CAPN1: variants seen among roughly 807,000 people sequenced by gnomAD.
CAPN1 encodes calpain-1 catalytic subunit.
A neutral mutation model predicts 105.2 loss-of-function variants in CAPN1; 77 were observed. The observed-to-expected ratio is 0.73, with a 90% CI of 0.61 to 0.88. CAPN1 has a LOEUF of 0.88. Ranked by LOEUF, CAPN1 falls within the 40% of genes least tolerant of loss-of-function variation. CAPN1 has a pLI of 0.00. For synonymous variants in CAPN1, 355 were observed against 388.8 expected (o/e 0.91, Z 1.02); for missense variants, 833 against 976.6 (o/e 0.85, Z 1.96).
chr11:65,183,223 G>C lies in CAPN1; in HGVS notation c.337+26G>C, dbSNP rs539895915. 1.9e-5 allele frequency: 30 copies of C among 1,609,446 alleles called. No individual in the cohort carries two copies. The Middle Eastern group carries it at 6.6e-4, about 35-fold the overall frequency. ...GTAGGCCCCCAGGGCGTCGGGTCCC[G>C]GGTATTTTTTCCACAGTAGTTCCCC... On this transcript the variant is annotated intron_variant, in intron 3 of 21. Transcript: ENST00000279247.
chr11:65,207,052 C>T (rs1254355469), intron 14 of CAPN1, among the ~76,000 whole-genome samples: 6 of 152,172 alleles, frequency 3.9e-5, no homozygotes, highest in African/African-American at 1.4e-4. Context: ...CGGGTTTGTG[C>T]TGAGCACTTC....
chr11:65,205,620 C>A, intron 11 of CAPN1, 90 bp from the exon 12 acceptor site: 1 of 1,316,034 alleles, frequency 7.6e-7, no homozygotes, highest in Non-Finnish European at 1.1e-6. Context: ...TCAGTCCCGT[C>A]TAAGAACTCA....
chr11:65,209,664 C>A lies in CAPN1; in HGVS notation c.1795-185C>A. ...TCTGACCCCTCCCCAGCCCACTCCA[C>A]TGCAGCCCAGCTCAGAGAATAAGGC... On this transcript the variant is annotated intron_variant, in intron 17 of 21. Transcript: ENST00000279247. The surrounding 1 kb of genome is among the most constrained non-coding windows in gnomAD (Gnocchi z 4.1). 1.5e-6 allele frequency: 1 copy of A among 669,644 alleles called. No individual in the cohort carries two copies. Among genetic ancestry groups the A allele is most frequent in the Non-Finnish European group, 2.6e-6 (1 of 382,644 alleles). The allele number at this position is 669,644 out of a possible 1,614,324, so 41.5% of individuals were successfully genotyped here. A position where few individuals can be genotyped will look rare whatever the true frequency, so the allele number is the denominator to read the frequency against.
At chr11:65,205,601 C>T (rs1289414035) in intron 11 of CAPN1, 109 bp from the exon 12 acceptor site, 6 of 1,105,634 alleles carry the variant, frequency 5.4e-6, no homozygotes, top group South Asian at 1.3e-5. Flanking sequence ...CTTCTGCCTC[C>T]TTATCCCATC....
At chr11:65,201,549 G>A (rs1024904107) in intron 10 of CAPN1, among the ~76,000 whole-genome samples, 4 of 151,860 alleles carry the variant, frequency 2.6e-5, no homozygotes, top group Non-Finnish European at 4.4e-5. Context: ...ACGGAGTCTC[G>A]CTCTGTCGCC....
intron 11 of CAPN1, among the ~76,000 whole-genome samples, 195 bp from the exon 12 acceptor site, chr11:65,205,515 G>A (rs1311923132): frequency 6.6e-6 from 1 of 152,058 alleles, no homozygotes; most frequent in Non-Finnish European, 1.5e-5. Flanking sequence ...CCAGGACCAA[G>A]AGGACCCTGC....
chr11:65,206,481 G>T lies in CAPN1; in HGVS notation c.1372G>T (p.Val458Leu), dbSNP rs564548073. ...VPPELVGQPAVHLKRDFFLAN... is the reference protein window; with the variant it reads ...VPPELVGQPALHLKRDFFLAN... ...CCACCAGCTGGTGGGCCAGCCGGCC[G>T]TACACTTGAAGCGTGACTTCTTCCT... The change falls in exon 13 of 22, where the codon GTA becomes TTA. Residue 458 changes from valine to leucine, a missense_variant. Transcript: ENST00000279247. 3 of 1,613,092 alleles carry T rather than the reference G, an allele frequency of 1.9e-6. No individual in the cohort carries two copies. The highest frequency in any genetic ancestry group is 2.5e-6 in the Non-Finnish European group (3 of 1,179,826).
chr11:65,182,503 G>A, intron 1 of CAPN1, 198 bp from the exon 2 acceptor site: 1 of 581,752 alleles, frequency 1.7e-6, no homozygotes, highest in Non-Finnish European at 2.9e-6. Context: ...CCTGGGAACT[G>A]GGAAATCCCT....
At chr11:65,195,100 G>GGTTTTTTTTT (rs1565403828) in intron 10 of CAPN1, among the ~76,000 whole-genome samples, 2 of 90,906 alleles carry the variant, frequency 2.2e-5, no homozygotes, top group African/African-American at 3.4e-5. Context: ...GTTTTTTGGG[G>GGTTTTTTTTT]TTTTTTTTTT....
At chr11:65,199,274 G>C (rs903227057) in intron 10 of CAPN1, among the ~76,000 whole-genome samples, 6 of 152,042 alleles carry the variant, frequency 3.9e-5, no homozygotes, top group African/African-American at 1.4e-4. Flanking sequence ...ATTATTTTCA[G>C]CCTCTCAAAG....
At chr11:65,199,479 A>G (rs188553087) in intron 10 of CAPN1, among the ~76,000 whole-genome samples, 5 of 152,242 alleles carry the variant, frequency 3.3e-5, no homozygotes, top group Non-Finnish European at 7.4e-5. Flanking sequence ...ACCTTTCAAC[A>G]ATTCTAGAAA....
At chr11:65,202,551 T>C (rs1299288526) in intron 10 of CAPN1, among the ~76,000 whole-genome samples, 1 of 152,024 alleles carries the variant, frequency 6.6e-6, no homozygotes, top group African/African-American at 2.4e-5. Context: ...CACGCAATTC[T>C]CCTACCTCAG....
At position 65,186,205 on chromosome 11, in the gene CAPN1, G is replaced by C. The variant is rs376996656; in HGVS notation, c.626G>C (p.Ser209Thr). 6.2e-7 allele frequency: 1 copy of C among 1,613,684 alleles called. No homozygotes were observed. Among genetic ancestry groups the C allele is most frequent in the South Asian group, 1.1e-5 (1 of 91,066 alleles). Reference sequence around the variant, plus strand: ...AGCTACGAGGCCCTGTCAGGGGGCAGCACCTCAGAGGGCTTTGAGGACTTC... The same window carrying C: ...AGCTACGAGGCCCTGTCAGGGGGCACCACCTCAGAGGGCTTTGAGGACTTC... ...NGSYEALSGG[S>T]TSEGFEDFTG... Residue 209 changes from serine (S) to threonine (T), a missense_variant, in exon 6 of 22, where the codon AGC becomes ACC. Ser to Thr is a moderately conservative substitution (Grantham distance 58). Transcript: ENST00000279247.
chr11:65,200,648 G>T (rs1208262124), intron 10 of CAPN1, among the ~76,000 whole-genome samples: 1 of 152,036 alleles, frequency 6.6e-6, no homozygotes, highest in Non-Finnish European at 1.5e-5. Context: ...CGGCCGCCTT[G>T]TTCTTTTTTT....
At position 65,199,292 on chromosome 11, in the gene CAPN1, TA is replaced by T. The variant is rs146845419; in HGVS notation, c.1166-5390del. Among the ~76,000 whole-genome samples the T allele has an allele frequency of 3.0e-3, 463 of 152,330 alleles. 3 individuals carry two copies. The highest frequency in any genetic ancestry group is 0.011 in the African/African-American group (447 of 41,580). On this transcript the variant is annotated intron_variant, in intron 10 of 21. Transcript: ENST00000279247. ...ATTTTCAGCCTCTCAAAGACACTATTAGTCCTGTTCTGCTTCCATCATTGCT... is the reference window on the plus strand; with the variant it reads ...ATTTTCAGCCTCTCAAAGACACTATTGTCCTGTTCTGCTTCCATCATTGCT...
intron 10 of CAPN1, among the ~76,000 whole-genome samples, chr11:65,197,136 G>A (rs1187075670): frequency 3.3e-5 from 5 of 152,158 alleles, no homozygotes; most frequent in Non-Finnish European, 5.9e-5. Context: ...CAGCCAGTAC[G>A]CTATTCTCTG....
At chr11:65,181,577 G>A, upstream of CAPN1, 3 of 415,180 alleles carry the variant, frequency 7.2e-6, no homozygotes, top group South Asian at 1.7e-5. This position sits in a 1 kb window ranked among gnomAD's most constrained non-coding sequence, Gnocchi z 4.6. Context: ...CGGCCGTCCG[G>A]CCCTGCAACT....
chr11:65,206,472 C>T lies in CAPN1; in HGVS notation c.1363C>T (p.Gln455Ter). The T allele has an allele frequency of 1.2e-6, 2 of 1,612,992 alleles. No homozygotes were observed. Among genetic ancestry groups the T allele is most frequent in the Non-Finnish European group, 1.7e-6 (2 of 1,179,824 alleles). ...VYEVPPELVG[Q>*]PAVHLKRDFF... ...TCCTCCCTCCCACCAGCTGGTGGGC[C>T]AGCCGGCCGTACACTTGAAGCGTGA... The change falls in exon 13 of 22, where the codon CAG (glutamine) becomes TAG (stop). Residue 455 changes from glutamine (Q) to a stop codon, truncating the protein, a stop_gained. Transcript: ENST00000279247. LOFTEE classifies it high-confidence loss of function.
Position 65,209,260 on chromosome 11 carries a change from C to A in CAPN1, c.1730-63C>A. The A allele has an allele frequency of 7.2e-7, 1 of 1,383,790 alleles. No individual in the cohort carries two copies. Among genetic ancestry groups the A allele is most frequent in the Non-Finnish European group, 1.0e-6 (1 of 982,626 alleles). The allele number at this position is 1,383,790 out of a possible 1,614,324, so 85.7% of individuals were successfully genotyped here. On this transcript the variant is annotated intron_variant, in intron 16 of 21. Transcript: ENST00000279247. The surrounding 1 kb of genome is among the most constrained non-coding windows in gnomAD (Gnocchi z 4.1). Reference sequence around the variant, plus strand: ...CCTTGACTCTGCCCCACCCAGTGCTCCCAGCAGGGGCAGGTGCAGGAAGCT... The same window carrying A: ...CCTTGACTCTGCCCCACCCAGTGCTACCAGCAGGGGCAGGTGCAGGAAGCT...
Sources: gnomAD v4.1 joint callset for allele counts (sites outside exome capture counted in the v4.1 genomes callset) on GRCh38, gnomAD v4.1.1 for gene constraint, Gnocchi (gnomAD v3.1) non-coding constraint, MANE v1.5 for transcripts, NCBI Gene and HGNC (gene_info 2026-07-23, HGNC 2026-07-21) for gene names.